Variants in ADGRL2 observed in about 807,000 individuals in gnomAD.
The protein encoded by ADGRL2 is adhesion G protein-coupled receptor L2, also known as calcium-independent alpha-latrotoxin receptor 2.
ADGRL2 carries 44 observed loss-of-function variants against 157.4 expected under a neutral mutation model. The observed-to-expected ratio is 0.28, with a 90% CI of 0.22 to 0.36. The LOEUF is 0.36. Among genes scored for constraint, ADGRL2 ranks in the 10% least tolerant of loss-of-function variants. The pLI, the probability that ADGRL2 is intolerant of heterozygous loss-of-function variation, is 1.00. For synonymous variants in ADGRL2, 585 were observed against 624.7 expected (o/e 0.94, Z 0.95); for missense variants, 1,510 against 1,768.9 (o/e 0.85, Z 2.63).
At chr1:81,883,349 A>C (rs970470844) in intron 2 of ADGRL2, among the ~76,000 whole-genome samples, 2 of 152,196 alleles carry the variant, frequency 1.3e-5, no homozygotes, top group African/African-American at 4.8e-5. Context: ...GTAAATGTCA[A>C]ATTAACACAG....
chr1:81,821,212 G>T (rs552618788), intron 1 of ADGRL2, among the ~76,000 whole-genome samples: 3 of 152,236 alleles, frequency 2.0e-5, no homozygotes, highest in Non-Finnish European at 4.4e-5. Context: ...AATACGTAAA[G>T]AAAGTTTTGA....
chr1:81,713,998 T>C (rs2149091178), intron 1 of ADGRL2, among the ~76,000 whole-genome samples: 1 of 152,312 alleles, frequency 6.6e-6, no homozygotes, highest in Non-Finnish European at 1.5e-5. Context: ...GAAAAAGCGT[T>C]TCTTACATGG....
intron 1 of ADGRL2, among the ~76,000 whole-genome samples, chr1:81,744,294 G>A (rs1157884157): frequency 6.6e-6 from 1 of 152,074 alleles, no homozygotes; most frequent in East Asian, 1.9e-4. Flanking sequence ...CCCATTTAAA[G>A]TACTTGTAAA....
intron 1 of ADGRL2, among the ~76,000 whole-genome samples, chr1:81,322,109 T>TATATACAC (rs71592379): frequency 4.4e-3 from 572 of 129,814 alleles, no homozygotes; most frequent in Admixed American, 7.2e-3. Flanking sequence ...TATATATATA[T>TATATACAC]ACACATATAT....
chr1:81,814,604 C>A (rs928741933), intron 1 of ADGRL2, among the ~76,000 whole-genome samples: 9 of 151,180 alleles, frequency 6.0e-5, no homozygotes, highest in Non-Finnish European at 3.0e-5. Flanking sequence ...TTAAATTGCT[C>A]TTGTTATTCC....
rs2091344501 is a variant in ADGRL2 at position 81,825,066 on chromosome 1, C to T, written c.-100-11819C>T. ...TGTTGTTAAAATACATACAATAGGGCTGGGCGCAGTGGCTCAAGCCTGTAA... is the reference window on the plus strand; with the variant it reads ...TGTTGTTAAAATACATACAATAGGGTTGGGCGCAGTGGCTCAAGCCTGTAA... On this transcript the variant is annotated intron_variant, in intron 1 of 23. Transcript: ENST00000686636. Among the ~76,000 whole-genome samples, 3 of 151,798 alleles carry T rather than the reference C, an allele frequency of 2.0e-5. No individual in the cohort carries two copies. The South Asian group carries it at 6.2e-4, about 32-fold the overall frequency.
At chr1:81,353,069 G>A (rs1435552775) in intron 1 of ADGRL2, among the ~76,000 whole-genome samples, 3 of 152,124 alleles carry the variant, frequency 2.0e-5, no homozygotes, top group Non-Finnish European at 4.4e-5. Context: ...GCAATATTCT[G>A]CATATATATG....
chr1:81,611,365 A>T (rs987361382), intron 3 of ADGRL2, among the ~76,000 whole-genome samples: 3 of 152,216 alleles, frequency 2.0e-5, no homozygotes, highest in Non-Finnish European at 4.4e-5. Context: ...GTAAAAGGGA[A>T]ATAATCTACA....
upstream of ADGRL2, among the ~76,000 whole-genome samples, chr1:81,697,604 G>C (rs1169925977): frequency 2.6e-5 from 4 of 152,092 alleles, no homozygotes; most frequent in Non-Finnish European, 5.9e-5. Flanking sequence ...GTCTTTTAAA[G>C]AATGACACAA....
chr1:81,625,193 T>A (rs1240117196), intron 3 of ADGRL2, among the ~76,000 whole-genome samples: 1 of 152,120 alleles, frequency 6.6e-6, no homozygotes, highest in Non-Finnish European at 1.5e-5. Context: ...AGAATGCTTA[T>A]CAGGAGAAAA....
intron 2 of ADGRL2, among the ~76,000 whole-genome samples, chr1:81,498,465 A>G (rs1367524109): frequency 1.3e-5 from 2 of 152,222 alleles, no homozygotes; most frequent in African/African-American, 4.8e-5. Context: ...GAAGAGGTTT[A>G]TATCTCTTTT....
chr1:81,760,477 A>G (rs927327225), intron 1 of ADGRL2, among the ~76,000 whole-genome samples: 2 of 152,016 alleles, frequency 1.3e-5, no homozygotes, highest in African/African-American at 4.8e-5. Context: ...TTTTCTAAAT[A>G]CATTGCTTTT....
Position 81,747,311 on chromosome 1 carries a change from T to A in ADGRL2, c.-142-14500T>A, listed in dbSNP as rs567390281. ...TACATGTGTATATATATATATATTT[T>A]TTTTTTTGAGATGGAGTCTTGCTCT... is the stretch of plus-strand genomic sequence containing the variant. On this transcript the variant is annotated intron_variant, in intron 1 of 20. Coordinates refer to the ADGRL2 transcript ENST00000359929. 9.1e-3 allele frequency among the ~76,000 whole-genome samples: 1,362 copies of A among 149,716 alleles called. 16 individuals carry two copies. Among genetic ancestry groups the A allele is most frequent in the African/African-American group, 0.028 (1,158 of 40,708 alleles).
At chr1:81,565,632 C>CA (rs1186022304) in intron 2 of ADGRL2, among the ~76,000 whole-genome samples, 1 of 152,170 alleles carries the variant, frequency 6.6e-6, no homozygotes, top group African/African-American at 2.4e-5. Flanking sequence ...TCATTTCATG[C>CA]TGCCCCTAGT....
chr1:81,662,577 CAG>C (rs202040847), intron 3 of ADGRL2, among the ~76,000 whole-genome samples: 2,430 of 147,856 alleles, frequency 0.016, 73 homozygotes, highest in African/African-American at 0.058. Flanking sequence ...CTTTTTGAGA[CAG>C]AGTCTCGCTC....
chr1:81,845,908 C>T (rs1470416822), intron 2 of ADGRL2, among the ~76,000 whole-genome samples: 5 of 151,780 alleles, frequency 3.3e-5, no homozygotes, highest in African/African-American at 9.7e-5. Context: ...TGTTATATAG[C>T]TATTTTCTTT....
At chr1:81,846,477 A>G (rs1201482397) in intron 2 of ADGRL2, among the ~76,000 whole-genome samples, 2 of 151,664 alleles carry the variant, frequency 1.3e-5, no homozygotes, top group African/African-American at 4.8e-5. Flanking sequence ...TTCAAGAAAC[A>G]TAAAGAATTT....
intron 13 of ADGRL2, 109 bp from the exon 14 acceptor site, chr1:81,967,917 C>T: frequency 1.1e-6 from 1 of 913,818 alleles, no homozygotes; most frequent in East Asian, 2.6e-5. Flanking sequence ...ACTTTATAGT[C>T]TGAAACATGC....
At chr1:81,809,100 G>A (rs765786143) in intron 1 of ADGRL2, among the ~76,000 whole-genome samples, 4 of 151,946 alleles carry the variant, frequency 2.6e-5, no homozygotes, top group Non-Finnish European at 4.4e-5. Flanking sequence ...TGAGCAAAAC[G>A]TGGCCCCTGT....
Sources: allele counts gnomAD v4.1 joint callset (sites outside exome capture counted in the v4.1 genomes callset), GRCh38; gene constraint gnomAD v4.1.1; transcripts MANE v1.5; gene names NCBI Gene and HGNC (gene_info 2026-07-23, HGNC 2026-07-21).